FSTL4: variants seen among roughly 807,000 people sequenced by gnomAD.
The protein encoded by FSTL4 is follistatin-related protein 4.
Under a neutral mutation model 78.2 loss-of-function variants are expected in FSTL4, and 28 were observed. The ratio of observed to expected loss-of-function variants is 0.36; its 90% CI spans 0.27 to 0.49. FSTL4 has a LOEUF of 0.49. Ranked by LOEUF, FSTL4 falls within the 20% of genes least tolerant of loss-of-function variation. FSTL4 has a pLI of 0.98. For synonymous variants in FSTL4, 422 were observed against 440.5 expected, an observed-to-expected ratio of 0.96 and a Z score of 0.53; for missense variants, 922 against 1,084.9, an observed-to-expected ratio of 0.85 and a Z score of 2.11.
intron 6 of FSTL4, among the ~76,000 whole-genome samples, chr5:133,283,045 AG>A (rs11331746): frequency 0.17 from 25,594 of 152,126 alleles, 2,517 homozygotes; most frequent in African/African-American, 0.26. Flanking sequence ...GGGCTGGAGG[AG>A]ATGTACCCCA....
chr5:133,801,305 G>A, the FSTL4 span, among the ~76,000 whole-genome samples: 3 of 152,112 alleles, frequency 2.0e-5, no homozygotes, highest in African/African-American at 4.8e-5. Flanking sequence ...CGAAGAACAC[G>A]TGTTTATTTC....
At chr5:133,389,801 T>C (rs968436707) in intron 4 of FSTL4, among the ~76,000 whole-genome samples, 2 of 152,232 alleles carry the variant, frequency 1.3e-5, no homozygotes. Flanking sequence ...TAAAGATCTC[T>C]GAAAATCCCT....
intron 4 of FSTL4, among the ~76,000 whole-genome samples, chr5:133,400,018 T>C (rs1024128024): frequency 1.3e-5 from 2 of 152,236 alleles, no homozygotes; most frequent in African/African-American, 4.8e-5. Context: ...CTGGGAGCCA[T>C]TGAGCATTTT....
intron 6 of FSTL4, among the ~76,000 whole-genome samples, chr5:133,272,243 G>A (rs1292294191): frequency 6.6e-6 from 1 of 152,158 alleles, no homozygotes; most frequent in African/African-American, 2.4e-5. Context: ...TTAATGACAC[G>A]GCCATTTCTT....
At chr5:133,473,472 C>T (rs545668337) in intron 3 of FSTL4, among the ~76,000 whole-genome samples, 6 of 152,294 alleles carry the variant, frequency 3.9e-5, no homozygotes, top group East Asian at 1.9e-4. Context: ...CATCAGCACA[C>T]GCTGCAGCAC....
At chr5:133,662,288 C>T in the FSTL4 span, among the ~76,000 whole-genome samples, 36 of 152,208 alleles carry the variant, frequency 2.4e-4, no homozygotes, top group Non-Finnish European at 4.6e-4. Flanking sequence ...ATCTAATCCT[C>T]AATTTTTACA....
chr5:133,262,375 AAAAGAC>A (rs2126836821), intron 6 of FSTL4, among the ~76,000 whole-genome samples: 1 of 152,350 alleles, frequency 6.6e-6, no homozygotes, highest in South Asian at 2.1e-4. Flanking sequence ...TTGCATCCTG[AAAAGAC>A]CTTTTCACCT....
At chr5:133,428,472 G>A (rs941377228) in intron 3 of FSTL4, among the ~76,000 whole-genome samples, 6 of 152,166 alleles carry the variant, frequency 3.9e-5, no homozygotes, top group Non-Finnish European at 7.3e-5. Context: ...AACAGGACAC[G>A]AACAACAGAA....
At chr5:133,716,680 G>T in the FSTL4 span, among the ~76,000 whole-genome samples, 3 of 151,994 alleles carry the variant, frequency 2.0e-5, no homozygotes, top group Admixed American at 6.5e-5. Context: ...GAATTCTGAC[G>T]TCATAAATTT....
At chr5:133,304,396 G>A (rs2126880839) in intron 6 of FSTL4, among the ~76,000 whole-genome samples, 1 of 152,162 alleles carries the variant, frequency 6.6e-6, no homozygotes, top group Non-Finnish European at 1.5e-5. Context: ...GCTCCTGGGG[G>A]AGTTCTTACC....
At chr5:133,304,572 T>G (rs574112229) in intron 6 of FSTL4, among the ~76,000 whole-genome samples, 1 of 152,374 alleles carries the variant, frequency 6.6e-6, no homozygotes, top group Non-Finnish European at 1.5e-5. Context: ...TTTTCTGCTA[T>G]TCAATTGCTC....
At chr5:133,333,569 C>G (rs1001546732) in intron 4 of FSTL4, among the ~76,000 whole-genome samples, 3 of 152,220 alleles carry the variant, frequency 2.0e-5, no homozygotes, top group Non-Finnish European at 4.4e-5. Flanking sequence ...ACAGCTGTGG[C>G]TCAGAAATCC....
chr5:133,371,639 T>C (rs1469258391), intron 4 of FSTL4, among the ~76,000 whole-genome samples: 3 of 152,214 alleles, frequency 2.0e-5, no homozygotes, highest in Admixed American at 2.0e-4. Context: ...TGTGCGTAAA[T>C]ATCAGTTGGC....
In FSTL4 at chr5:133,225,631, T is replaced by C; in HGVS notation, c.1177+27A>G. ...GCTTGATTTGAATGGGAATATCGCA[T>C]AGACGTCTACCAAGGGCAGTTCTTA... On this transcript the variant is annotated intron_variant, in intron 9 of 15. Coordinates refer to ENST00000265342, the MANE Select transcript of FSTL4 (RefSeq NM_015082.2). The surrounding 1 kb of genome is among the most constrained non-coding windows in gnomAD (Gnocchi z 4.6). The C allele has an allele frequency of 2.6e-6, 4 of 1,529,678 alleles. No homozygotes were observed. The highest frequency in any genetic ancestry group is 2.3e-5 in the East Asian group (1 of 44,166). 94.8% of individuals were successfully genotyped at this position (1,529,678 alleles called of 1,614,324 possible).
chr5:133,530,168 C>G (rs1287990690), intron 3 of FSTL4, among the ~76,000 whole-genome samples: 1 of 152,150 alleles, frequency 6.6e-6, no homozygotes, highest in African/African-American at 2.4e-5. Context: ...CCCTGGGGTG[C>G]TGTAAAACCG....
In FSTL4 at chr5:133,400,995, C is replaced by T; in HGVS notation, c.161-9G>A. On this transcript the variant is annotated splice_polypyrimidine_tract_variant and intron_variant, in intron 3 of 15. Coordinates refer to ENST00000265342, the MANE Select transcript of FSTL4 (RefSeq NM_015082.2). ...GTTGTGGCTGGAAAGCCCTGCCAGA[C>T]ACACAAACACAGAGGGTCAGCTGTA... 6.2e-7 allele frequency: 1 copy of T among 1,612,710 alleles called. No individual in the cohort carries two copies. The highest frequency in any genetic ancestry group is 8.5e-7 in the Non-Finnish European group (1 of 1,179,956).
chr5:133,417,286 T>G (rs924095187), intron 3 of FSTL4, among the ~76,000 whole-genome samples: 8 of 150,864 alleles, frequency 5.3e-5, no homozygotes, highest in African/African-American at 1.7e-4. Flanking sequence ...AAGGGATCAA[T>G]GAATTCAAAG....
intron 3 of FSTL4, among the ~76,000 whole-genome samples, chr5:133,451,683 G>A (rs775206091): frequency 2.6e-5 from 4 of 152,180 alleles, no homozygotes; most frequent in South Asian, 2.1e-4. Flanking sequence ...GCCAGGGTCC[G>A]TGGAACACTT....
chr5:133,469,559 G>A (rs865783112), intron 3 of FSTL4, among the ~76,000 whole-genome samples: 6 of 152,278 alleles, frequency 3.9e-5, no homozygotes, highest in African/African-American at 1.4e-4. Flanking sequence ...GTTAAACTGG[G>A]AATGCCACAT....
Sources: gnomAD v4.1 joint callset for allele counts (sites outside exome capture counted in the v4.1 genomes callset) on GRCh38, gnomAD v4.1.1 for gene constraint, Gnocchi (gnomAD v3.1) non-coding constraint, MANE v1.5 for transcripts, NCBI Gene and HGNC (gene_info 2026-07-23, HGNC 2026-07-21) for gene names.